DAB2IP: variants seen among roughly 807,000 people sequenced by gnomAD.
DAB2IP encodes DAB2 interacting protein.
Under a neutral mutation model 107.2 loss-of-function variants are expected in DAB2IP, and 28 were observed. That is an observed-to-expected ratio of 0.26 (90% CI 0.19 to 0.36). DAB2IP has a LOEUF of 0.36. Among genes scored for constraint, DAB2IP ranks in the 10% least tolerant of loss-of-function variants. The pLI, the probability that DAB2IP is intolerant of heterozygous loss-of-function variation, is 1.00. For synonymous variants in DAB2IP, 755 were observed against 706.4 expected (o/e 1.07, Z -1.09); for missense variants, 1,400 against 1,644.7 (o/e 0.85, Z 2.57).
chr9:121,696,560 G>A (rs752213904), intron 2 of DAB2IP, among the ~76,000 whole-genome samples: 1 of 152,170 alleles, frequency 6.6e-6, no homozygotes, highest in Non-Finnish European at 1.5e-5. Context: ...GGGAGAGGAC[G>A]CCCTTGGCCC....
At chr9:121,749,061 C>T (rs1413664239) in intron 3 of DAB2IP, among the ~76,000 whole-genome samples, 1 of 152,186 alleles carries the variant, frequency 6.6e-6, no homozygotes, top group Non-Finnish European at 1.5e-5. Context: ...GGGCAGCCAA[C>T]CTTTCTGCCT....
chr9:121,761,645 G>C (rs569794399), intron 6 of DAB2IP, among the ~76,000 whole-genome samples: 1 of 152,198 alleles, frequency 6.6e-6, no homozygotes, highest in African/African-American at 2.4e-5. Context: ...CCTCCCCATG[G>C]ACCCGCGATG....
At chr9:121,756,989 C>T in intron 3 of DAB2IP, 24 bp from the exon 4 acceptor site, 1 of 1,613,416 alleles carries the variant, frequency 6.2e-7, no homozygotes, top group South Asian at 1.1e-5. Context: ...GGGGGCCCAC[C>T]TGACACACCT....
At chr9:121,590,805 T>C (rs1256809532) in intron 1 of DAB2IP, among the ~76,000 whole-genome samples, 1 of 151,834 alleles carries the variant, frequency 6.6e-6, no homozygotes, top group Admixed American at 6.6e-5. Flanking sequence ...TTGCTGAGGG[T>C]AGGAGGGGAT....
chr9:121,638,614 C>T lies in DAB2IP; in HGVS notation c.41-40064C>T, dbSNP rs1174884254. Among the ~76,000 whole-genome samples, 3 of 152,220 alleles carry T rather than the reference C, an allele frequency of 2.0e-5. No individual in the cohort carries two copies. The East Asian group carries it at 5.8e-4, about 29-fold the overall frequency. ...AGAGAGCTGTGGCAGGGAAGGTGAG[C>T]CAGAAAGAGTGGCCAAAGGCCAGCA... is the stretch of plus-strand genomic sequence containing the variant. On this transcript the variant is annotated intron_variant, in intron 1 of 16. Transcript: ENST00000259371.
At chr9:121,646,475 A>C (rs1832540083) in intron 1 of DAB2IP, among the ~76,000 whole-genome samples, 1 of 150,978 alleles carries the variant, frequency 6.6e-6, no homozygotes, top group Non-Finnish European at 1.5e-5. Flanking sequence ...GACCTTAACC[A>C]CAAGTGTCCC....
Position 121,701,762 on chromosome 9 carries a change from G to A in DAB2IP, c.362+2304G>A, listed in dbSNP as rs77179315. Among the ~76,000 whole-genome samples the A allele has an allele frequency of 0.022, 3,289 of 152,212 alleles. 107 individuals are homozygous for A. Among genetic ancestry groups the A allele is most frequent in the African/African-American group, 0.075 (3,123 of 41,536 alleles). ...GAGTAAAAACAACTATGGTGACCCC[G>A]CCCGCCCCCCAGCTCATGGCCAAAC... On this transcript the variant is annotated intron_variant, in intron 3 of 15. Transcript: ENST00000408936. The surrounding 1 kb of genome is among the most constrained non-coding windows in gnomAD (Gnocchi z 4.7).
At chr9:121,764,290 G>A (rs1407211703) in intron 8 of DAB2IP, among the ~76,000 whole-genome samples, 1 of 152,196 alleles carries the variant, frequency 6.6e-6, no homozygotes, top group Non-Finnish European at 1.5e-5. Flanking sequence ...GCAGGGGCAC[G>A]TTGGGGGCCT....
rs1200256700 is a variant in DAB2IP, at chr9:121,684,785, C to T, written c.228+6004C>T. On this transcript the variant is annotated intron_variant, in intron 2 of 15. Coordinates refer to ENST00000408936, the Ensembl canonical transcript of DAB2IP. This position sits in a 1 kb window ranked among gnomAD's most constrained non-coding sequence, Gnocchi z 4.0. Reference sequence around the variant, plus strand: ...ACAGATCAGACAAGCCAGATCTGTCCCAGGGTATATGGGGAAACTGAGGCC... The same window carrying T: ...ACAGATCAGACAAGCCAGATCTGTCTCAGGGTATATGGGGAAACTGAGGCC... Among the ~76,000 whole-genome samples, 1 of 152,164 alleles carries T rather than the reference C, an allele frequency of 6.6e-6. No homozygotes were observed. Among genetic ancestry groups the T allele is most frequent in the Non-Finnish European group, 1.5e-5 (1 of 68,032 alleles).
intron 3 of DAB2IP, among the ~76,000 whole-genome samples, chr9:121,704,720 A>G (rs937718343): frequency 9.2e-5 from 14 of 152,142 alleles, no homozygotes; most frequent in African/African-American, 9.7e-5. Flanking sequence ...TCTCCTCTCC[A>G]TAAGGAAATC....
intron 3 of DAB2IP, among the ~76,000 whole-genome samples, chr9:121,700,124 C>T (rs1829691440): frequency 2.0e-5 from 3 of 152,194 alleles, no homozygotes; most frequent in African/African-American, 7.2e-5. Context: ...CCTTCCCTCA[C>T]CTCTCCACTC....
intron 3 of DAB2IP, among the ~76,000 whole-genome samples, chr9:121,719,781 AG>A (rs1830821373): frequency 6.6e-6 from 1 of 152,180 alleles, no homozygotes; most frequent in African/African-American, 2.4e-5. Context: ...GGCTTGACCA[AG>A]GTCTCATGGG....
intron 3 of DAB2IP, among the ~76,000 whole-genome samples, chr9:121,705,072 C>T (rs753019723): frequency 6.6e-6 from 1 of 152,226 alleles, no homozygotes; most frequent in South Asian, 2.1e-4. Context: ...TTATTTTTTG[C>T]TTTCTCATTT....
At chr9:121,693,481 C>T (rs973965719) in intron 2 of DAB2IP, among the ~76,000 whole-genome samples, 7 of 152,224 alleles carry the variant, frequency 4.6e-5, no homozygotes, top group East Asian at 1.9e-4. Context: ...TTTTGGCATT[C>T]GGGCAAAGCC....
intron 1 of DAB2IP, among the ~76,000 whole-genome samples, chr9:121,640,963 T>G (rs1832266279): frequency 6.6e-6 from 1 of 152,198 alleles, no homozygotes; most frequent in African/African-American, 2.4e-5. Context: ...TTCTTCCTCT[T>G]AAGCCTTTGG....
intron 1 of DAB2IP, among the ~76,000 whole-genome samples, chr9:121,610,311 G>A (rs1241781819): frequency 6.6e-6 from 1 of 152,168 alleles, no homozygotes; most frequent in East Asian, 1.9e-4. Flanking sequence ...TCTCTGGGCT[G>A]TAATGATAAT....
chr9:121,659,919 A>T (rs1005940303), intron 1 of DAB2IP, among the ~76,000 whole-genome samples: 1 of 152,166 alleles, frequency 6.6e-6, no homozygotes, highest in Non-Finnish European at 1.5e-5. Context: ...ACTTGTTCAG[A>T]GCAGCAGAGC....
rs74681363 is a variant in DAB2IP at position 121,668,857 on chromosome 9, C to T, written c.125-9821C>T. 5.9e-3 allele frequency among the ~76,000 whole-genome samples: 882 copies of T among 148,878 alleles called. 4 individuals carry two copies. The highest frequency in any genetic ancestry group is 0.011 in the Middle Eastern group (3 of 282). The stretch of plus-strand genomic sequence containing the variant: ...AAACAAAGTAAAACATCATATTAAT[C>T]ACATAGACAGCAAGTGTATTTCAGC... On this transcript the variant is annotated intron_variant, in intron 1 of 15. Coordinates refer to ENST00000408936, the Ensembl canonical transcript of DAB2IP.
chr9:121,738,871 G>C (rs1274726532), intron 3 of DAB2IP, among the ~76,000 whole-genome samples: 1 of 152,186 alleles, frequency 6.6e-6, no homozygotes, highest in Non-Finnish European at 1.5e-5. Flanking sequence ...AATACAACAC[G>C]TAGAGCTTGG....
Sources: allele counts gnomAD v4.1 joint callset (sites outside exome capture counted in the v4.1 genomes callset), GRCh38; gene constraint gnomAD v4.1.1; non-coding constraint Gnocchi (gnomAD v3.1); transcripts MANE v1.5; gene names NCBI Gene and HGNC (gene_info 2026-07-23, HGNC 2026-07-21).